LAMB2: variants seen among roughly 807,000 people sequenced by gnomAD.
LAMB2 encodes the protein laminin subunit beta 2.
A neutral mutation model predicts 202.7 loss-of-function variants in LAMB2; 119 were observed. The ratio of observed to expected loss-of-function variants is 0.59; its 90% confidence interval spans 0.51 to 0.68. The LOEUF (loss-of-function observed/expected upper bound fraction) is 0.68. LAMB2 is among the 30% of genes least tolerant of loss of function. The pLI is 0.00. For synonymous variants in LAMB2, 818 were observed against 902.2 expected (o/e 0.91, Z 1.67); for missense variants, 2,124 against 2,410.6 (o/e 0.88, Z 2.49).
Position 49,126,423 on chromosome 3 carries a change from G to A in LAMB2, c.2093C>T (p.Thr698Ile), listed in dbSNP as rs761021585. The A allele has an allele frequency of 2.5e-6, 4 of 1,614,176 alleles. No individual in the cohort carries two copies. The highest frequency in any genetic ancestry group is 3.4e-6 in the Non-Finnish European group (4 of 1,180,020). ...AGTCTCAGGCTGGGCACTTCCCCCT[G>A]TCCGTACCAGCTTCAGATGCAGCTT... ...SYKLHLKLVR[T>I]GGSAQPETPY... The change falls in exon 16 of 32, where the codon ACA becomes ATA. Residue 698 changes from threonine (T) to isoleucine (I), a missense_variant. Coordinates refer to ENST00000305544, the MANE Select transcript of LAMB2 (RefSeq NM_002292.4).
chr3:49,129,050 T>C lies in LAMB2; in HGVS notation c.1701A>G (p.Leu567=). 6.2e-7 allele frequency: 1 copy of C among 1,612,430 alleles called. No homozygotes were observed. Among genetic ancestry groups the C allele is most frequent in the Non-Finnish European group, 8.5e-7 (1 of 1,180,020 alleles). Residue 567 remains leucine (L), a synonymous_variant, in exon 13 of 32, where the codon CTA becomes CTG. Coordinates refer to ENST00000305544, the MANE Select transcript of LAMB2 (RefSeq NM_002292.4). The surrounding 1 kb of genome is among the most constrained non-coding windows in gnomAD (Gnocchi z 6.1). ...CTCGGGTGTCCTCAGCCTCCCAAATTAGGTGGTCCAGGAAGGGCCGGAAGT... is the reference window on the plus strand; with the variant it reads ...CTCGGGTGTCCTCAGCCTCCCAAATCAGGTGGTCCAGGAAGGGCCGGAAGT... ...PGYFRPFLDH[L]IWEAEDTRGQ...
At position 49,125,860 on chromosome 3, in the gene LAMB2, C is replaced by G; in HGVS notation, c.2375G>C (p.Ser792Thr). 6.2e-7 allele frequency: 1 copy of G among 1,614,134 alleles called. No individual in the cohort carries two copies. Among genetic ancestry groups the G allele is most frequent in the South Asian group, 1.1e-5 (1 of 91,080 alleles). ...PCQCNPQGSL[S>T]SECNPHGGQC... ...ACCACCATGAGGGTTGCACTCAGAA[C>G]TCAGTGAACCTTGAGGGTTGCACTG... Residue 792 changes from serine (S) to threonine (T), a missense_variant, in exon 18 of 32, where the codon AGT becomes ACT. Ser to Thr is a moderately conservative substitution (Grantham distance 58). Transcript: ENST00000305544.
intron 15 of LAMB2, 42 bp from the exon 16 acceptor site, chr3:49,126,539 C>A (rs1361427421): frequency 6.2e-7 from 1 of 1,612,546 alleles, no homozygotes; most frequent in South Asian, 1.1e-5. Context: ...CATCTAGGGG[C>A]CCTGTACAAA....
Position 49,132,662 on chromosome 3 carries a change from C to T in LAMB2, c.78G>A (p.Val26=). The change falls in exon 2 of 32, where the codon GTG becomes GTA. Residue 26 remains valine (V), a splice_region_variant and synonymous_variant. Transcript: ENST00000305544. The surrounding 1 kb of genome is among the most constrained non-coding windows in gnomAD (Gnocchi z 4.6). ...GGGCCTGTGCCAGTGTGGCAGCCAG[C>T]ACTGGGGACAGTAGCTCAGTCAGTT... ...WELRLGLLLS[V]LAATLAQAPA... 6.2e-7 allele frequency: 1 copy of T among 1,614,188 alleles called. No individual in the cohort carries two copies. The highest frequency in any genetic ancestry group is 1.3e-5 in the African/African-American group (1 of 75,060).
intron 31 of LAMB2, 33 bp downstream of exon 31, chr3:49,121,400 G>T: frequency 6.2e-7 from 1 of 1,614,080 alleles, no homozygotes; most frequent in South Asian, 1.1e-5. Context: ...GGGGTTTCCC[G>T]CAGTCTTGTG....
Position 49,125,504 on chromosome 3 carries a change from G to A in LAMB2, c.2489-20C>T, listed in dbSNP as rs1176250132. 1.9e-6 allele frequency: 3 copies of A among 1,557,962 alleles called. No individual in the cohort carries two copies. Among genetic ancestry groups the A allele is most frequent in the East Asian group, 2.4e-5 (1 of 41,620 alleles). On this transcript the variant is annotated intron_variant, in intron 18 of 31. Coordinates refer to ENST00000305544, the MANE Select transcript of LAMB2 (RefSeq NM_002292.4). The stretch of plus-strand genomic sequence containing the variant: ...GGCAGGCTAGGAGCAAGGCAGAGCT[G>A]AGCCAGAGCCAGGGGAGGGGGTCTG...
In LAMB2 at chr3:49,123,296, C is replaced by G; in HGVS notation, c.4060G>C (p.Val1354Leu). 6.2e-7 allele frequency: 1 copy of G among 1,614,132 alleles called. No homozygotes were observed. Residue 1354 changes from valine to leucine, a missense_variant, in exon 26 of 32, where the codon GTA (valine) becomes CTA (leucine). Physicochemically the swap from Val to Leu is conservative, Grantham distance 32. Coordinates refer to ENST00000305544, the MANE Select transcript of LAMB2 (RefSeq NM_002292.4). ...ERRANTSALA[V>L]PSPVSNSASA... ...GCCGAGTTGCTCACAGGGCTAGGTA[C>G]TGCCAGGGCTGAGGTATTGGCACGA...
chr3:49,132,496 G>T lies in LAMB2; in HGVS notation c.244C>A (p.Leu82Met). ...CACCCTGTCCCCAGCCACACCTGCA[G>T]GTGACTGACGATGCAGTAGGGCTGG... ...GPQPYCIVSH[L>M]QDEKKCFLCD... The change falls in exon 2 of 32, where the codon CTG becomes ATG. Residue 82 changes from leucine (L) to methionine (M), a missense_variant. Physicochemically the swap from Leu to Met is conservative, Grantham distance 15 (BLOSUM62 2). Transcript: ENST00000305544. This position sits in a 1 kb window ranked among gnomAD's most constrained non-coding sequence, Gnocchi z 4.6. The T allele has an allele frequency of 6.2e-7, 1 of 1,614,028 alleles. No individual in the cohort carries two copies.
In LAMB2 at chr3:49,132,904, G is replaced by A. The variant is rs1395064858; in HGVS notation, c.-37C>T. The A allele has an allele frequency of 1.9e-6, 3 of 1,593,228 alleles. No individual in the cohort carries two copies. The African/African-American group carries it at 4.0e-5, about 21-fold the overall frequency. ...GAACAGGGATAAGGGGAGGTGAACG[G>A]TCTCGGGCCCGAGCCCTCCTCCTTG... On this transcript the variant is annotated 5_prime_UTR_variant, in exon 1 of 32. Coordinates refer to ENST00000305544, the MANE Select transcript of LAMB2 (RefSeq NM_002292.4). The surrounding 1 kb of genome is among the most constrained non-coding windows in gnomAD (Gnocchi z 4.6).
At position 49,132,625 on chromosome 3, in the gene LAMB2, C is replaced by A; in HGVS notation, c.115G>T (p.Val39Leu). 6.2e-7 allele frequency: 1 copy of A among 1,613,962 alleles called. No individual in the cohort carries two copies. The highest frequency in any genetic ancestry group is 8.5e-7 in the Non-Finnish European group (1 of 1,179,994). ...CAGCTTCCCCTGGAACAGCCAGGCA[C>A]ATCCGGGGCAGGGGCCTGTGCCAGT... ...ATLAQAPAPD[V>L]PGCSRGSCYP... Residue 39 changes from valine to leucine, a missense_variant, in exon 2 of 32, where the codon GTG becomes TTG. By Grantham distance (32) the Val-to-Leu change is conservative. This residue lies in a region of LAMB2 where 166 missense variants were observed against 158.2 expected (regional missense o/e 1.05). Transcript: ENST00000305544. This position sits in a 1 kb window ranked among gnomAD's most constrained non-coding sequence, Gnocchi z 4.6.
In LAMB2 at chr3:49,129,138, G is replaced by A; in HGVS notation, c.1613C>T (p.Thr538Ile). Residue 538 changes from threonine (T) to isoleucine (I), a missense_variant, in exon 13 of 32, where the codon ACA becomes ATA. Transcript: ENST00000305544. The surrounding 1 kb of genome is among the most constrained non-coding windows in gnomAD (Gnocchi z 6.1). ...GTGCTGGCGGCAGTGGCATTGACCTGTGCCCTCATCACACCTGGAGGGAAC... is the reference window on the plus strand; with the variant it reads ...GTGCTGGCGGCAGTGGCATTGACCTATGCCCTCATCACACCTGGAGGGAAC... ...GALDPQCDEG[T>I]GQCHCRQHMV... 3 of 1,614,064 alleles carry A rather than the reference G, an allele frequency of 1.9e-6. No individual in the cohort carries two copies. The highest frequency in any genetic ancestry group is 2.5e-6 in the Non-Finnish European group (3 of 1,180,038).
intron 15 of LAMB2, among the ~76,000 whole-genome samples, chr3:49,127,986 C>T (rs577872455): frequency 7.2e-6 from 1 of 139,288 alleles, no homozygotes; most frequent in Admixed American, 7.6e-5. Flanking sequence ...CACCACTGCA[C>T]TCCAGCCTGG....
rs977480769 is a variant in LAMB2 at position 49,131,637 on chromosome 3, A to G, written c.546T>C (p.Cys182=). 1.2e-6 allele frequency: 2 copies of G among 1,613,658 alleles called. No homozygotes were observed. The highest frequency in any genetic ancestry group is 1.7e-6 in the Non-Finnish European group (2 of 1,180,042). ...GTGGGACTCCTGGGAAGTCAGCCCC[A>G]CAGTCATAGGAGAAATATCGGTACA... is the stretch of plus-strand genomic sequence containing the variant. ...WHVYRYFSYD[C]GADFPGVPLA... Residue 182 remains cysteine, a synonymous_variant, in exon 5 of 32, where the codon TGT becomes TGC. Transcript: ENST00000305544. The surrounding 1 kb of genome is among the most constrained non-coding windows in gnomAD (Gnocchi z 5.0).
rs377260252 is a variant in LAMB2 at position 49,125,964 on chromosome 3, C to T, written c.2344+3G>A. On this transcript the variant is annotated splice_donor_region_variant and intron_variant, in intron 17 of 31. Transcript: ENST00000305544. ...CCCATCAACCCACATCACAGACACT[C>T]ACGCAGGGCACCATTGTAGATGAGG... The T allele has an allele frequency of 2.5e-6, 4 of 1,614,032 alleles. No individual in the cohort carries two copies. In the African/African-American group the frequency reaches 5.3e-5, roughly 22 times the overall value.
At chr3:49,128,002 G>A (rs1449540988) in intron 15 of LAMB2, among the ~76,000 whole-genome samples, 40 of 119,014 alleles carry the variant, frequency 3.4e-4, no homozygotes, top group Admixed American at 6.9e-4. Flanking sequence ...CCTGGTGACA[G>A]AGCGAGACTC....
rs1444181945 is a variant in LAMB2, at chr3:49,124,728, C to G, written c.3082G>C (p.Gly1028Arg). The change falls in exon 21 of 32, where the codon GGG (glycine) becomes CGG (arginine). Residue 1028 changes from glycine (G) to arginine (R), a missense_variant. Around this residue, in one of 3 missense-constraint regions of LAMB2, gnomAD observed 1,702 missense variants for 1,896.3 expected, o/e 0.90. Coordinates refer to ENST00000305544, the MANE Select transcript of LAMB2 (RefSeq NM_002292.4). ...TGACAGCTCTGTCGGGCAGCCTGCC[C>G]ATGGAAGCCAGGCTTGCAGTGGGCA... ...HCAHCKPGFH[G>R]QAARQSCHRC... 3 of 1,614,078 alleles carry G rather than the reference C, an allele frequency of 1.9e-6. No homozygotes were observed. The South Asian group carries it at 3.3e-5, about 18-fold the overall frequency.
Position 49,131,467 on chromosome 3 carries a change from C to G in LAMB2, c.649-25G>C. 6.2e-7 allele frequency: 1 copy of G among 1,614,008 alleles called. No homozygotes were observed. Among genetic ancestry groups the G allele is most frequent in the Middle Eastern group, 1.6e-4 (1 of 6,062 alleles). On this transcript the variant is annotated intron_variant, in intron 5 of 31. Transcript: ENST00000305544. This position sits in a 1 kb window ranked among gnomAD's most constrained non-coding sequence, Gnocchi z 5.0. ...CCTGGAGAAGCAGGGAGTTCATAGT[C>G]ACACTGGACCTTGCCTCAGGCCCAT...
chr3:49,131,811 C>T lies in LAMB2; in HGVS notation c.460-88G>A. The T allele has an allele frequency of 7.2e-7, 1 of 1,380,160 alleles. No homozygotes were observed. The highest frequency in any genetic ancestry group is 1.4e-5 in the African/African-American group (1 of 70,074). The allele number at this position is 1,380,160 out of a possible 1,614,324, so 85.5% of individuals were successfully genotyped here. ...AGAGCCCTGCTCAGCCCAAGACTGC[C>T]CTCAAATAGCTCACAGAGAGTGGGG... On this transcript the variant is annotated intron_variant, in intron 4 of 31. Transcript: ENST00000305544. The surrounding 1 kb of genome is among the most constrained non-coding windows in gnomAD (Gnocchi z 5.0).
chr3:49,129,967 T>C lies in LAMB2; in HGVS notation c.1277A>G (p.His426Arg), dbSNP rs367947002. 3 of 1,613,916 alleles carry C rather than the reference T, an allele frequency of 1.9e-6. No homozygotes were observed. Among genetic ancestry groups the C allele is most frequent in the African/African-American group, 2.7e-5 (2 of 74,910 alleles). The change falls in exon 10 of 32, where the codon CAT (histidine) becomes CGT (arginine). Residue 426 changes from histidine (H) to arginine (R), a missense_variant. His to Arg is a conservative substitution (Grantham distance 29). This residue lies in a region of LAMB2 where 1,702 missense variants were observed against 1,896.3 expected (regional missense o/e 0.90). Transcript: ENST00000305544. The surrounding 1 kb of genome is among the most constrained non-coding windows in gnomAD (Gnocchi z 6.1). ...GSQDGGRCDS[H>R]DDPALGLVSG... ...GACCAGTCCCAGTGCAGGGTCATCATGGGAATCACAGCGACCACCGTCTTG... is the reference window on the plus strand; with the variant it reads ...GACCAGTCCCAGTGCAGGGTCATCACGGGAATCACAGCGACCACCGTCTTG...
Sources: allele counts gnomAD v4.1 joint callset (sites outside exome capture counted in the v4.1 genomes callset), GRCh38; gene constraint gnomAD v4.1.1; regional missense constraint gnomAD v4.1.1; non-coding constraint Gnocchi (gnomAD v3.1); transcripts MANE v1.5; gene names NCBI Gene and HGNC (gene_info 2026-07-23, HGNC 2026-07-21).